Variants in TTC39C observed in about 807,000 individuals in gnomAD.
TTC39C encodes tetratricopeptide repeat domain 39C, also known as tetratricopeptide repeat protein 39C.
A neutral mutation model predicts 76.3 loss-of-function variants in TTC39C; 33 were observed. The observed-to-expected ratio is 0.43, with a 90% CI of 0.33 to 0.58. The LOEUF (loss-of-function observed/expected upper bound fraction) is 0.58, where lower values mean the gene tolerates loss of function less well. Among genes scored for constraint, TTC39C ranks in the 20% least tolerant of loss-of-function variants. The pLI, the probability that TTC39C is intolerant of heterozygous loss-of-function variation, is 0.04. For synonymous variants in TTC39C, 254 were observed against 260.6 expected (o/e 0.97, Z 0.24); for missense variants, 595 against 701.4 (o/e 0.85, Z 1.71).
At chr18:24,057,993 A>C (rs2145721789) in intron 1 of TTC39C, among the ~76,000 whole-genome samples, 1 of 152,360 alleles carries the variant, frequency 6.6e-6, no homozygotes, top group East Asian at 1.9e-4. Flanking sequence ...AAAAAGAATG[A>C]GATCATGTCC....
chr18:24,099,113 C>CGTGT (rs199519942), intron 6 of TTC39C: 3 of 134,826 alleles, frequency 2.2e-5, no homozygotes, highest in African/African-American at 7.9e-5. Flanking sequence ...ATATATAAAA[C>CGTGT]GTGTGTGTGT....
intron 1 of TTC39C, among the ~76,000 whole-genome samples, chr18:24,002,977 A>G (rs1323519118): frequency 6.6e-6 from 1 of 152,106 alleles, no homozygotes; most frequent in African/African-American, 2.4e-5. Flanking sequence ...TCCATATTAA[A>G]TCTTCCATCT....
chr18:24,014,748 T>G, upstream of TTC39C: 1 of 895,332 alleles, frequency 1.1e-6, no homozygotes, highest in Non-Finnish European at 1.4e-6. Context: ...TCTTCTCCCC[T>G]CCCCTCCCCT....
chr18:24,005,528 A>G (rs868685772), intron 1 of TTC39C, among the ~76,000 whole-genome samples: 2 of 152,136 alleles, frequency 1.3e-5, no homozygotes, highest in Non-Finnish European at 2.9e-5. Context: ...CATATAATTT[A>G]TATACACAAA....
chr18:24,115,350 CTG>C (rs1405236687), intron 7 of TTC39C, among the ~76,000 whole-genome samples: 1 of 152,210 alleles, frequency 6.6e-6, no homozygotes, highest in Non-Finnish European at 1.5e-5. Context: ...CAAAATCTTT[CTG>C]TGTAACAGTT....
At chr18:24,045,567 TTCTACTCTGG>T (rs573260491) in intron 1 of TTC39C, among the ~76,000 whole-genome samples, 242 of 117,050 alleles carry the variant, frequency 2.1e-3, no homozygotes, top group Non-Finnish European at 3.1e-3. Flanking sequence ...CTGTCTGTAT[TTCTACTCTGG>T]AACGTAAACT....
chr18:24,058,772 C>T (rs1240733832), intron 1 of TTC39C, among the ~76,000 whole-genome samples: 3 of 152,164 alleles, frequency 2.0e-5, no homozygotes, highest in African/African-American at 7.2e-5. Context: ...CTAGTTGCTC[C>T]ACATCTCACT....
intron 4 of TTC39C, among the ~76,000 whole-genome samples, chr18:24,077,492 A>G (rs1466589347): frequency 2.0e-5 from 3 of 152,222 alleles, no homozygotes; most frequent in Admixed American, 6.5e-5. Flanking sequence ...ATGTGACCCA[A>G]TAGAGCATTT....
At chr18:24,073,435 A>G (rs1295708778) in intron 4 of TTC39C, among the ~76,000 whole-genome samples, 1 of 152,014 alleles carries the variant, frequency 6.6e-6, no homozygotes, top group South Asian at 2.1e-4. Context: ...TCAGTGTGGA[A>G]CACCCCTACC....
chr18:24,102,509 G>A (rs1416097515), intron 6 of TTC39C, among the ~76,000 whole-genome samples: 8 of 152,208 alleles, frequency 5.3e-5, no homozygotes, highest in East Asian at 1.9e-4. Context: ...AAAAGAAAGC[G>A]CCAAGTGAAT....
intron 6 of TTC39C, among the ~76,000 whole-genome samples, chr18:24,101,200 A>G (rs2084668947): frequency 6.6e-6 from 1 of 151,644 alleles, no homozygotes; most frequent in Admixed American, 6.6e-5. Context: ...AAAAGGATGA[A>G]TTTTCTGGTT....
At chr18:24,054,058 T>C (rs571035844) in intron 1 of TTC39C, among the ~76,000 whole-genome samples, 7 of 152,294 alleles carry the variant, frequency 4.6e-5, no homozygotes, top group Admixed American at 2.0e-4. Flanking sequence ...ATGGATAATA[T>C]AAAAAGTGAT....
chr18:24,125,561 TA>T lies in TTC39C; in HGVS notation c.1420+18del, dbSNP rs771373965. ...AGAGGATGAGTCAAGGTAAAAAATT[TA>T]AAAAAACCCAAAACTGTCTACTGGA... On this transcript the variant is annotated intron_variant, in intron 10 of 13. Coordinates refer to ENST00000317571, the MANE Select transcript of TTC39C (RefSeq NM_001135993.2). 12 of 1,613,786 alleles carry T rather than the reference TA, an allele frequency of 7.4e-6. No individual in the cohort carries two copies. Among genetic ancestry groups the T allele is most frequent in the East Asian group, 2.2e-5 (1 of 44,876 alleles).
rs1192062183 is a variant in TTC39C at position 24,080,755 on chromosome 18, T to C, written c.631T>C (p.Ser211Pro). ...TGTGGCTGAAGGGGTGTCTGAGGAGTCTCTGAACAGACTGAAAGGTGCTGT... is the reference window on the plus strand; with the variant it reads ...TGTGGCTGAAGGGGTGTCTGAGGAGCCTCTGAACAGACTGAAAGGTGCTGT... ...HIVAEGVSEE[S>P]LNRLKGAVSF... Residue 211 changes from serine (S) to proline (P), a missense_variant, in exon 5 of 14, where the codon TCT becomes CCT. By Grantham distance (74) the Ser-to-Pro change is moderately conservative. Coordinates refer to ENST00000317571, the MANE Select transcript of TTC39C (RefSeq NM_001135993.2). The C allele has an allele frequency of 6.2e-7, 1 of 1,613,938 alleles. No homozygotes were observed. The highest frequency in any genetic ancestry group is 8.5e-7 in the Non-Finnish European group (1 of 1,179,978).
Position 24,014,830 on chromosome 18 carries a change from C to T in TTC39C, c.-42C>T, listed in dbSNP as rs2083430034. 5 of 1,222,254 alleles carry T rather than the reference C, an allele frequency of 4.1e-6. No individual in the cohort carries two copies. The highest frequency in any genetic ancestry group is 4.4e-5 in the Admixed American group (1 of 22,496). The allele number at this position is 1,222,254 out of a possible 1,614,324, so 75.7% of individuals were successfully genotyped here. On this transcript the variant is annotated 5_prime_UTR_variant, in exon 1 of 14. Coordinates refer to ENST00000317571, the MANE Select transcript of TTC39C (RefSeq NM_001135993.2). ...GGCGCGCGCGGGGCCGCAGCAGCTG[C>T]TCCCGATCTCGCCTCGGCCCAGCGC...
intron 1 of TTC39C, among the ~76,000 whole-genome samples, chr18:24,005,130 C>T (rs2083342251): frequency 2.0e-5 from 3 of 152,328 alleles, no homozygotes; most frequent in South Asian, 2.1e-4. Flanking sequence ...ACAACTAAGA[C>T]TGAACCACTG....
At chr18:24,010,109 A>G (rs1359544423), upstream of TTC39C, among the ~76,000 whole-genome samples, 1 of 152,254 alleles carries the variant, frequency 6.6e-6, no homozygotes, top group African/African-American at 2.4e-5. Context: ...ACAAAGAACA[A>G]TTGGAGAATT....
intron 1 of TTC39C, among the ~76,000 whole-genome samples, chr18:24,044,998 G>A (rs1599267403): frequency 1.3e-5 from 2 of 152,212 alleles, no homozygotes; most frequent in East Asian, 1.9e-4. Context: ...GCCAGGTGCG[G>A]TGGCTCACAC....
chr18:24,077,010 G>T (rs2084315048), intron 4 of TTC39C: 1 of 152,202 alleles, frequency 6.6e-6, no homozygotes, highest in African/African-American at 2.4e-5. Context: ...CCTGAGGTCA[G>T]AATTGTTAGC....
Sources: allele counts gnomAD v4.1 joint callset (sites outside exome capture counted in the v4.1 genomes callset), GRCh38; gene constraint gnomAD v4.1.1; transcripts MANE v1.5; gene names NCBI Gene and HGNC (gene_info 2026-07-23, HGNC 2026-07-21).